Variants in MGAM2 observed in about 807,000 individuals in gnomAD.
MGAM2 encodes the protein probable maltase-glucoamylase 2.
MGAM2 carries 98 observed loss-of-function variants against 96.1 expected under a neutral mutation model. The observed-to-expected ratio is 1.02, with a 90% CI of 0.87 to 1.21. MGAM2 has a LOEUF of 1.21. MGAM2 is among the 50% of genes most tolerant of loss of function. The pLI is 0.00. For missense variants in MGAM2, 2,055 were observed against 1,182.4 expected, an observed-to-expected ratio of 1.74 and a Z score of -10.82; for synonymous variants, 749 against 414.8, an observed-to-expected ratio of 1.81 and a Z score of -9.79.
chr7:142,136,039 C>T (rs1252906554), intron 7 of MGAM2, among the ~76,000 whole-genome samples: 1 of 152,134 alleles, frequency 6.6e-6, no homozygotes, highest in East Asian at 1.9e-4. Flanking sequence ...GTGTGCAATT[C>T]AATGACTTTG....
chr7:142,136,018 ATC>A (rs1434149890), intron 7 of MGAM2, among the ~76,000 whole-genome samples: 2 of 152,196 alleles, frequency 1.3e-5, no homozygotes, highest in Non-Finnish European at 2.9e-5. Context: ...CAAAAAATTC[ATC>A]TGTTTTAAGT....
In MGAM2 at chr7:142,198,713, A is replaced by G. The variant is rs1797129426; in HGVS notation, c.5022A>G (p.Gln1674=). 4.3e-6 allele frequency: 3 copies of G among 704,116 alleles called. No individual in the cohort carries two copies. Among genetic ancestry groups the G allele is most frequent in the Admixed American group, 2.0e-5 (1 of 49,990 alleles). The allele number at this position is 704,116 out of a possible 1,614,324, so 43.6% of individuals were successfully genotyped here. A position where few individuals can be genotyped will look rare whatever the true frequency, so the allele number is the denominator to read the frequency against. ...HVRGGYILPW[Q]EPAMNTHSSR... is the part of the protein sequence containing the mutation. ...GAGGAGGCTACATCCTGCCCTGGCA[A>G]GAGCCTGCTATGAACACTCACTCCA... Residue 1674 remains glutamine (Q), a synonymous_variant, in exon 44 of 48, where the codon CAA becomes CAG. Coordinates refer to ENST00000477922, the MANE Select transcript of MGAM2 (RefSeq NM_001293626.2).
intron 12 of MGAM2, among the ~76,000 whole-genome samples, chr7:142,141,857 C>T (rs1795240575): frequency 6.6e-6 from 1 of 152,144 alleles, no homozygotes; most frequent in Non-Finnish European, 1.5e-5. Flanking sequence ...TCTGAGGTAG[C>T]AGACTCAGGC....
intron 10 of MGAM2, 97 bp downstream of exon 10, chr7:142,138,764 T>C: frequency 3.2e-6 from 2 of 621,652 alleles, no homozygotes. Flanking sequence ...AGATAAATCA[T>C]TAGATTGATA....
At chr7:142,111,995 AGACTGTGTGTGT>A (rs1175437500) in intron 1 of MGAM2, among the ~76,000 whole-genome samples, 188 bp downstream of exon 1, 47 of 122,310 alleles carry the variant, frequency 3.8e-4, no homozygotes, top group African/African-American at 1.5e-3. Flanking sequence ...TGGAGAGGAG[AGACTGTGTGTGT>A]GTGTGTGTGT....
chr7:142,178,194 C>G (rs887784519), intron 32 of MGAM2, among the ~76,000 whole-genome samples: 11 of 152,160 alleles, frequency 7.2e-5, no homozygotes, highest in African/African-American at 2.7e-4. Flanking sequence ...CCTCTGCCTA[C>G]TTTTTAATGG....
intron 20 of MGAM2, 112 bp from the exon 21 acceptor site, chr7:142,160,022 C>A: frequency 1.7e-6 from 1 of 587,382 alleles, no homozygotes; most frequent in South Asian, 2.2e-5. Context: ...CTTTGGGGTT[C>A]TCTGTTTGTC....
At chr7:142,192,065 CA>C (rs1289378853) in intron 37 of MGAM2, among the ~76,000 whole-genome samples, 1 of 152,042 alleles carries the variant, frequency 6.6e-6, no homozygotes, top group Non-Finnish European at 1.5e-5. Context: ...CTTTTCTGTT[CA>C]ACTGCCCCTT....
intron 1 of MGAM2, among the ~76,000 whole-genome samples, chr7:142,115,835 A>C (rs1817375593): frequency 6.6e-6 from 1 of 152,136 alleles, no homozygotes; most frequent in Non-Finnish European, 1.5e-5. Flanking sequence ...CAAGAGTGAA[A>C]CTCCATCTCA....
intron 16 of MGAM2, 37 bp from the exon 17 acceptor site, chr7:142,154,692 A>G (rs1159725478): frequency 7.1e-6 from 5 of 699,792 alleles, no homozygotes; most frequent in East Asian, 5.4e-5. Context: ...TTCGCCTCTC[A>G]TTGACCACAG....
At chr7:142,160,001 A>G in intron 20 of MGAM2, 133 bp from the exon 21 acceptor site, 1 of 581,586 alleles carries the variant, frequency 1.7e-6, no homozygotes, top group Non-Finnish European at 3.0e-6. Context: ...TGCTTTCAGC[A>G]AGTCACTTCA....
chr7:142,129,400 G>A (rs1176821535), intron 3 of MGAM2, among the ~76,000 whole-genome samples: 1 of 152,174 alleles, frequency 6.6e-6, no homozygotes, highest in African/African-American at 2.4e-5. Flanking sequence ...GCATGATTAT[G>A]TTTTGAAACG....
chr7:142,217,214 G>T (rs565847461), intron 46 of MGAM2, among the ~76,000 whole-genome samples: 1 of 152,160 alleles, frequency 6.6e-6, no homozygotes, highest in East Asian at 1.9e-4. Flanking sequence ...CCCTTGTATT[G>T]ATACTTAAAC....
At chr7:142,150,156 G>A (rs529470435) in intron 15 of MGAM2, among the ~76,000 whole-genome samples, 1 of 151,640 alleles carries the variant, frequency 6.6e-6, no homozygotes, top group Non-Finnish European at 1.5e-5. Flanking sequence ...GGTCAGGCTA[G>A]TCTCAAACTC....
At position 142,167,597 on chromosome 7, in the gene MGAM2, G is replaced by A. The variant is rs56779570; in HGVS notation, c.3027+111G>A. 5,746 of 640,816 alleles carry A rather than the reference G, an allele frequency of 9.0e-3. 241 individuals are homozygous for A. In the African/African-American group the frequency reaches 0.09, roughly 10 times the overall value. The allele number at this position is 640,816 out of a possible 1,614,324, so 39.7% of individuals were successfully genotyped here. Reference sequence around the variant, plus strand: ...AAACATTTTTTTTCTTTTCAAGACAGGATCTCCCACTGACACCCAGGCTGG... The same window carrying A: ...AAACATTTTTTTTCTTTTCAAGACAAGATCTCCCACTGACACCCAGGCTGG... On this transcript the variant is annotated intron_variant, in intron 26 of 47. Coordinates refer to ENST00000477922, the MANE Select transcript of MGAM2 (RefSeq NM_001293626.2).
At position 142,197,762 on chromosome 7, in the gene MGAM2, A is replaced by G. The variant is rs148655768; in HGVS notation, c.4866+34A>G. ...TTCATTGTAGGTCAGAAAACCTTCA[A>G]TCACATGATCTAAAATCATGGGAAA... On this transcript the variant is annotated intron_variant, in intron 42 of 47. Transcript: ENST00000477922. The G allele has an allele frequency of 8.7e-4, 608 of 702,876 alleles. 2 individuals are homozygous for G. The African/African-American group carries it at 9.9e-3, about 11-fold the overall frequency. 43.5% of individuals were successfully genotyped at this position (702,876 alleles called of 1,614,324 possible).
chr7:142,140,221 A>G (rs759087227), intron 10 of MGAM2, among the ~76,000 whole-genome samples: 2 of 152,144 alleles, frequency 1.3e-5, no homozygotes, highest in Non-Finnish European at 2.9e-5. Flanking sequence ...GGGAAATGTC[A>G]CTGAACTCCC....
chr7:142,132,610 C>T (rs1416037670), intron 6 of MGAM2, among the ~76,000 whole-genome samples: 1 of 125,648 alleles, frequency 8.0e-6, no homozygotes, highest in Admixed American at 8.4e-5. Flanking sequence ...ATATTTAATA[C>T]ATAATTTAAA....
intron 38 of MGAM2, 67 bp downstream of exon 38, chr7:142,196,354 G>A (rs1285150389): frequency 2.7e-5 from 18 of 671,524 alleles, no homozygotes; most frequent in Non-Finnish European, 4.6e-5. Flanking sequence ...CTGTTCAACA[G>A]CACTGGTTAT....
Sources: gnomAD v4.1 joint callset for allele counts (sites outside exome capture counted in the v4.1 genomes callset) on GRCh38, gnomAD v4.1.1 for gene constraint, MANE v1.5 for transcripts, NCBI Gene and HGNC (gene_info 2026-07-23, HGNC 2026-07-21) for gene names.